Variants in RMDN1 observed in about 807,000 individuals in gnomAD.
RMDN1 encodes the protein regulator of microtubule dynamics protein 1.
In RMDN1, 48 loss-of-function variants were observed where a neutral mutation model predicts 48.9. That is an observed-to-expected ratio of 0.98 (90% CI 0.78 to 1.25). The LOEUF is 1.25. RMDN1 is among the 50% of genes most tolerant of loss of function. The pLI is 0.00. For missense variants in RMDN1, 418 were observed against 373.4 expected (o/e 1.12, Z -0.98); for synonymous variants, 148 against 132.6 (o/e 1.12, Z -0.80).
At chr8:86,503,371 C>CAAAAAAAAACA (rs1563656222) in intron 2 of RMDN1, among the ~76,000 whole-genome samples, 3 of 68,034 alleles carry the variant, frequency 4.4e-5, no homozygotes, top group Non-Finnish European at 7.6e-5. Flanking sequence ...CAAAACAAAA[C>CAAAAAAAAACA]AAAAAAAAAA....
At chr8:86,471,146 T>G (rs1445572717), downstream of RMDN1, among the ~76,000 whole-genome samples, 1 of 134,762 alleles carries the variant, frequency 7.4e-6, no homozygotes, top group African/African-American at 3.2e-5. Context: ...GTACACAGGA[T>G]CTTTTTTTTT....
chr8:86,493,413 G>T (rs1423773044), intron 2 of RMDN1, among the ~76,000 whole-genome samples: 1 of 152,028 alleles, frequency 6.6e-6, no homozygotes, highest in Non-Finnish European at 1.5e-5. Context: ...CACGCCTTAG[G>T]AAACAACCTA....
intron 8 of RMDN1, 57 bp downstream of exon 8, chr8:86,477,237 T>G (rs1813530408): frequency 5.8e-6 from 7 of 1,206,688 alleles, no homozygotes. Context: ...TTATAGTATA[T>G]ATTCAGCATT....
intron 7 of RMDN1, chr8:86,477,582 T>C (rs1175554954): frequency 2.9e-6 from 1 of 339,270 alleles, no homozygotes; most frequent in African/African-American, 2.1e-5. Context: ...ACTAACATCA[T>C]GTGCAGAAAG....
chr8:86,490,152 T>G (rs994475177), intron 2 of RMDN1, among the ~76,000 whole-genome samples: 6 of 152,212 alleles, frequency 3.9e-5, no homozygotes, highest in African/African-American at 1.4e-4. Flanking sequence ...AGTTTGTGTT[T>G]TAACAACCCA....
chr8:86,479,873 C>T (rs1405845287), intron 6 of RMDN1, among the ~76,000 whole-genome samples: 4 of 152,026 alleles, frequency 2.6e-5, no homozygotes, highest in Admixed American at 1.3e-4. Context: ...CATAAGATCA[C>T]ATAAAAATAG....
intron 1 of RMDN1, among the ~76,000 whole-genome samples, chr8:86,507,664 T>C (rs1434161083): frequency 6.6e-6 from 1 of 151,400 alleles, no homozygotes; most frequent in Non-Finnish European, 1.5e-5. Flanking sequence ...AACTCATCAT[T>C]GTTCCAATTT....
At chr8:86,496,910 A>C (rs1010420504) in intron 2 of RMDN1, among the ~76,000 whole-genome samples, 3 of 151,938 alleles carry the variant, frequency 2.0e-5, no homozygotes, top group Non-Finnish European at 4.4e-5. Flanking sequence ...TCTGAACAAA[A>C]TAAAAAAAAA....
chr8:86,504,825 G>A lies in RMDN1; in HGVS notation c.247+2170C>T, dbSNP rs569725033. 3.6e-4 allele frequency: 374 copies of A among 1,043,532 alleles called. No individual in the cohort carries two copies. The African/African-American group carries it at 4.9e-3, about 14-fold the overall frequency. 64.6% of individuals were successfully genotyped at this position (1,043,532 alleles called of 1,614,324 possible). On this transcript the variant is annotated intron_variant, in intron 2 of 9. Coordinates refer to ENST00000406452, the MANE Select transcript of RMDN1 (RefSeq NM_016033.3). ...CAACTATACCTCCAACTTCTTAGTC[G>A]GACTGCTCTTCCCCTCTGCTGCTTA... is the stretch of plus-strand genomic sequence containing the variant.
At chr8:86,470,428 A>AGAG (rs1051679413), downstream of RMDN1, 22 of 1,271,022 alleles carry the variant, frequency 1.7e-5, no homozygotes, top group African/African-American at 2.1e-4. Context: ...GTCAAATGGA[A>AGAG]GAGACTTAGT....
chr8:86,496,599 T>C (rs1047748575), intron 2 of RMDN1, among the ~76,000 whole-genome samples: 4 of 152,196 alleles, frequency 2.6e-5, no homozygotes, highest in Non-Finnish European at 4.4e-5. Flanking sequence ...ACAACTATCC[T>C]AAATATATAT....
intron 2 of RMDN1, chr8:86,505,217 G>A (rs1819117616): frequency 1.5e-6 from 1 of 669,842 alleles, no homozygotes; most frequent in South Asian, 1.5e-5. Flanking sequence ...TCAAGGCTGG[G>A]GTTTGTTGGA....
At chr8:86,507,300 T>C (rs571732634) in intron 1 of RMDN1, among the ~76,000 whole-genome samples, 188 bp from the exon 2 acceptor site, 2 of 152,030 alleles carry the variant, frequency 1.3e-5, no homozygotes, top group African/African-American at 2.4e-5. Context: ...GAAAAAGATA[T>C]CCCCTGGAGT....
At chr8:86,504,470 T>G (rs1818938564) in intron 2 of RMDN1, 3 of 1,555,088 alleles carry the variant, frequency 1.9e-6, no homozygotes, top group Non-Finnish European at 2.7e-6. Flanking sequence ...ACAGGAATCT[T>G]CAAGGATGCA....
Position 86,490,851 on chromosome 8 carries a change from T to G in RMDN1, c.248-2212A>C, listed in dbSNP as rs1816367396. On this transcript the variant is annotated intron_variant, in intron 2 of 9. Coordinates refer to ENST00000406452, the MANE Select transcript of RMDN1 (RefSeq NM_016033.3). ...CAGGAATTCTAAATCACATTACTCATGCGATTAAAAATGTAGAAATTGTCA... is the reference window on the plus strand; with the variant it reads ...CAGGAATTCTAAATCACATTACTCAGGCGATTAAAAATGTAGAAATTGTCA... Among the ~76,000 whole-genome samples, 5 of 152,192 alleles carry G rather than the reference T, an allele frequency of 3.3e-5. No homozygotes were observed. The South Asian group carries it at 1.0e-3, about 32-fold the overall frequency.
downstream of RMDN1, among the ~76,000 whole-genome samples, chr8:86,469,619 A>C (rs550034271): frequency 6.6e-6 from 1 of 152,264 alleles, no homozygotes; most frequent in South Asian, 2.1e-4. Flanking sequence ...CCTATTGTAG[A>C]CTTATTAAGT....
chr8:86,502,345 T>C (rs1190211079), intron 2 of RMDN1, among the ~76,000 whole-genome samples: 3 of 152,126 alleles, frequency 2.0e-5, no homozygotes, highest in African/African-American at 7.2e-5. Context: ...CAAGTGATCC[T>C]CCTGCCTCAG....
chr8:86,480,659 C>T (rs967446409), intron 5 of RMDN1, among the ~76,000 whole-genome samples: 2 of 151,810 alleles, frequency 1.3e-5, no homozygotes, highest in East Asian at 1.9e-4. Context: ...ATGTTTCTTC[C>T]AAATTAAAGG....
intron 4 of RMDN1, among the ~76,000 whole-genome samples, chr8:86,485,780 G>A (rs1563610419): frequency 6.6e-6 from 1 of 152,066 alleles, no homozygotes; most frequent in Non-Finnish European, 1.5e-5. Context: ...CAAAAACCCA[G>A]GTGCTGTGGA....
Sources: gnomAD v4.1 joint callset for allele counts (sites outside exome capture counted in the v4.1 genomes callset) on GRCh38, gnomAD v4.1.1 for gene constraint, MANE v1.5 for transcripts, NCBI Gene and HGNC (gene_info 2026-07-23, HGNC 2026-07-21) for gene names.